GALR1: variants seen among roughly 807,000 people sequenced by gnomAD.
The protein encoded by GALR1 is galanin receptor type 1.
Under a neutral mutation model 17.9 loss-of-function variants are expected in GALR1, and 11 were observed. That is an observed-to-expected ratio of 0.62 (90% confidence interval 0.39 to 1.02). The LOEUF (loss-of-function observed/expected upper bound fraction) is 1.02, where lower values mean the gene tolerates loss of function less well. GALR1 is among the 50% of genes least tolerant of loss of function. The pLI is 0.01. For synonymous variants in GALR1, 206 were observed against 205.7 expected (o/e 1.00, Z -0.01); for missense variants, 441 against 456.9 (o/e 0.97, Z 0.32).
intron 2 of GALR1, 113 bp from the exon 3 acceptor site, chr18:77,268,472 G>A: frequency 2.8e-6 from 2 of 714,852 alleles, no homozygotes; most frequent in Non-Finnish European, 4.7e-6. Context: ...AGCTTAGGAT[G>A]TATTTTAAAA....
Position 77,274,417 on chromosome 18 carries a change from C to T in GALR1, c.*5515C>T, listed in dbSNP as rs1006844649. Reference sequence around the variant, plus strand: ...CAGGGCCCCATTTGTGTTTGTGTGGCCTGCACTGTGTAAGTGTCGTTCCCC... The same window carrying T: ...CAGGGCCCCATTTGTGTTTGTGTGGTCTGCACTGTGTAAGTGTCGTTCCCC... On this transcript the variant is annotated 3_prime_UTR_variant, in exon 3 of 3. Transcript: ENST00000299727. 6.6e-6 allele frequency: 1 copy of T among 152,270 alleles called. No individual in the cohort carries two copies. Among genetic ancestry groups the T allele is most frequent in the African/African-American group, 2.4e-5 (1 of 41,430 alleles). The allele number at this position is 152,270 out of a possible 1,614,324, so 9.4% of individuals were successfully genotyped here. A position where few individuals can be genotyped will look rare whatever the true frequency, so the allele number is the denominator to read the frequency against.
intron 1 of GALR1, among the ~76,000 whole-genome samples, chr18:77,252,959 TCACCACCACCATCAC>T (rs1912489157): frequency 7.7e-5 from 2 of 26,130 alleles, no homozygotes; most frequent in African/African-American, 1.5e-4. Flanking sequence ...ATCACCACCA[TCACCACCACCATCAC>T]CACCATCACC....
At chr18:77,252,947 C>CCACCAG (rs1912484800) in intron 1 of GALR1, among the ~76,000 whole-genome samples, 1 of 57,714 alleles carries the variant, frequency 1.7e-5, no homozygotes. Context: ...ACCACCACCA[C>CCACCAG]CATCACCACC....
At chr18:77,257,432 G>A (rs993604760) in intron 2 of GALR1, among the ~76,000 whole-genome samples, 3 of 152,148 alleles carry the variant, frequency 2.0e-5, no homozygotes, top group Non-Finnish European at 4.4e-5. Context: ...CAATTATTAT[G>A]AATATTTCAT....
Position 77,249,915 on chromosome 18 carries a change from C to A in GALR1, c.-634C>A, listed in dbSNP as rs1912350763. Reference sequence around the variant, plus strand: ...ACTCTATCCACCACCAGGAAGCCTCCCAAAAGAGCTCTCGCCCTGTGGACG... The same window carrying A: ...ACTCTATCCACCACCAGGAAGCCTCACAAAAGAGCTCTCGCCCTGTGGACG... On this transcript the variant is annotated 5_prime_UTR_variant, in exon 1 of 3. Transcript: ENST00000299727. Among the ~76,000 whole-genome samples, 1 of 152,234 alleles carries A rather than the reference C, an allele frequency of 6.6e-6. No homozygotes were observed. The highest frequency in any genetic ancestry group is 2.1e-4 in the South Asian group (1 of 4,836).
chr18:77,260,282 G>A (rs1317485207), intron 2 of GALR1, among the ~76,000 whole-genome samples: 1 of 152,136 alleles, frequency 6.6e-6, no homozygotes, highest in African/African-American at 2.4e-5. Flanking sequence ...GAAGGTGAAA[G>A]GCAGCTCTCT....
chr18:77,268,848 A>G lies in GALR1; in HGVS notation c.996A>G (p.Lys332=). The change falls in exon 3 of 3, where the codon AAA becomes AAG. Residue 332 remains lysine, a synonymous_variant. Transcript: ENST00000299727. The part of the protein sequence containing the change: ...IRKDSHLSDT[K]ESKSRIDTPP... ...AAGATTCACACCTGAGTGATACTAA[A>G]GAAAGTAAAAGTCGAATAGACACCC... The G allele has an allele frequency of 1.9e-6, 3 of 1,613,828 alleles. No homozygotes were observed. Among genetic ancestry groups the G allele is most frequent in the Non-Finnish European group, 2.5e-6 (3 of 1,179,748 alleles).
chr18:77,268,847 A>G lies in GALR1; in HGVS notation c.995A>G (p.Lys332Arg). ...AAAGATTCACACCTGAGTGATACTA[A>G]AGAAAGTAAAAGTCGAATAGACACC... ...IRKDSHLSDT[K>R]ESKSRIDTPP... Residue 332 changes from lysine (K) to arginine (R), a missense_variant, in exon 3 of 3, where the codon AAA (lysine) becomes AGA (arginine). By Grantham distance (26) the Lys-to-Arg change is conservative (BLOSUM62 2). Coordinates refer to ENST00000299727, the MANE Select transcript of GALR1 (RefSeq NM_001480.4). The G allele has an allele frequency of 6.2e-7, 1 of 1,613,804 alleles. No individual in the cohort carries two copies. The highest frequency in any genetic ancestry group is 8.5e-7 in the Non-Finnish European group (1 of 1,179,746).
chr18:77,250,665 G>A lies in GALR1; in HGVS notation c.117G>A (p.Val39=), dbSNP rs1349360911. ...IGVENFVTLV[V]FGLIFALGVL... ...TGGAGAACTTCGTCACGCTGGTGGT[G>A]TTCGGCCTGATCTTCGCGCTGGGTG... The change falls in exon 1 of 3, where the codon GTG becomes GTA. Residue 39 remains valine (V), a synonymous_variant. Transcript: ENST00000299727. 6.2e-7 allele frequency: 1 copy of A among 1,611,154 alleles called. No individual in the cohort carries two copies. Among genetic ancestry groups the A allele is most frequent in the Non-Finnish European group, 8.5e-7 (1 of 1,179,296 alleles).
chr18:77,268,571 T>C lies in GALR1; in HGVS notation c.733-14T>C, dbSNP rs372563454. On this transcript the variant is annotated splice_polypyrimidine_tract_variant and intron_variant, in intron 2 of 2. Transcript: ENST00000299727. ...CCTCCTCCTCCTCCTCCTCCTCCTCTTCTTCTTTTCTAGACTGCACAGACA... is the reference window on the plus strand; with the variant it reads ...CCTCCTCCTCCTCCTCCTCCTCCTCCTCTTCTTTTCTAGACTGCACAGACA... 59 of 1,565,680 alleles carry C rather than the reference T, an allele frequency of 3.8e-5. No individual in the cohort carries two copies. Among genetic ancestry groups the C allele is most frequent in the South Asian group, 2.4e-5 (2 of 84,958 alleles).
chr18:77,259,483 A>ATGG (rs1912773632), intron 2 of GALR1, among the ~76,000 whole-genome samples: 1 of 104,538 alleles, frequency 9.6e-6, no homozygotes, highest in African/African-American at 3.6e-5. Context: ...GGCGATTGTG[A>ATGG]TGGTGATGGT....
rs1913184235 is a variant in GALR1, at chr18:77,277,743, CAAAGCCA to C, written c.*8852_*8858del. 1 of 152,172 alleles carries C rather than the reference CAAAGCCA, an allele frequency of 6.6e-6. No individual in the cohort carries two copies. The highest frequency in any genetic ancestry group is 2.4e-5 in the African/African-American group (1 of 41,436). The allele number at this position is 152,172 out of a possible 1,614,324, so 9.4% of individuals were successfully genotyped here. A position where few individuals can be genotyped will look rare whatever the true frequency, so the allele number is the denominator to read the frequency against. On this transcript the variant is annotated 3_prime_UTR_variant, in exon 3 of 3. Coordinates refer to ENST00000299727, the MANE Select transcript of GALR1 (RefSeq NM_001480.4). ...TCTAGCATGAATGCCAGTAAGCTGA[CAAAGCCA>C]AAAGCCAAAAACTAAGAGTTTGTAT...
intron 2 of GALR1, among the ~76,000 whole-genome samples, chr18:77,257,630 G>T (rs1599357188): frequency 6.6e-6 from 1 of 152,108 alleles, no homozygotes; most frequent in African/African-American, 2.4e-5. Flanking sequence ...CTAAGACAAT[G>T]GTTCTTTAAA....
chr18:77,260,836 T>A (rs1303778571), intron 2 of GALR1, among the ~76,000 whole-genome samples: 1 of 152,084 alleles, frequency 6.6e-6, no homozygotes, highest in Non-Finnish European at 1.5e-5. Flanking sequence ...CAAAATGGGA[T>A]AGACACCCAT....
Position 77,251,083 on chromosome 18 carries a change from C to A in GALR1, c.535C>A (p.Pro179Thr), listed in dbSNP as rs754915181. The A allele has an allele frequency of 9.3e-6, 15 of 1,610,836 alleles. No homozygotes were observed. Among genetic ancestry groups the A allele is most frequent in the Non-Finnish European group, 1.3e-5 (15 of 1,179,926 alleles). ...GGCCTACCACCAGGGCCTCTTCCAC[C>A]CGCGCGCCAGCAACCAGACCTTCTG... ...PVAYHQGLFH[P>T]RASNQTFCWE... Residue 179 changes from proline to threonine, a missense_variant, in exon 1 of 3, where the codon CCG becomes ACG. Physicochemically the swap from Pro to Thr is conservative, Grantham distance 38. Transcript: ENST00000299727.
intron 2 of GALR1, among the ~76,000 whole-genome samples, chr18:77,267,270 G>A (rs1338607951): frequency 6.6e-6 from 1 of 152,224 alleles, no homozygotes; most frequent in Non-Finnish European, 1.5e-5. Flanking sequence ...AGAGAGGGAA[G>A]TGTGGCTTTT....
chr18:77,253,735 A>G (rs1912522287), intron 1 of GALR1: 5 of 152,196 alleles, frequency 3.3e-5, no homozygotes, highest in Admixed American at 3.3e-4. Context: ...GGCCTTTTGG[A>G]TAGCCTGAAA....
At chr18:77,258,643 T>TG (rs1912668199) in intron 2 of GALR1, among the ~76,000 whole-genome samples, 1 of 146,662 alleles carries the variant, frequency 6.8e-6, no homozygotes, top group Admixed American at 6.7e-5. Context: ...GTGATGGTGG[T>TG]GGTGGTCATA....
intron 2 of GALR1, among the ~76,000 whole-genome samples, chr18:77,258,608 G>GGTGGTCAT (rs1912660901): frequency 6.7e-6 from 1 of 149,370 alleles, no homozygotes; most frequent in Non-Finnish European, 1.5e-5. Flanking sequence ...TGGTCATGGT[G>GGTGGTCAT]GTGATGGTGG....
Sources: gnomAD v4.1 joint callset for allele counts (sites outside exome capture counted in the v4.1 genomes callset) on GRCh38, gnomAD v4.1.1 for gene constraint, MANE v1.5 for transcripts, NCBI Gene and HGNC (gene_info 2026-07-23, HGNC 2026-07-21) for gene names.